MOCOS: variants seen among roughly 807,000 people sequenced by gnomAD.
MOCOS encodes human molybdenum cofactor sulfurase.
Under a neutral mutation model 83.6 loss-of-function variants are expected in MOCOS, and 86 were observed. The ratio of observed to expected loss-of-function variants is 1.03; its 90% CI spans 0.86 to 1.23. The LOEUF is 1.23. Among genes scored for constraint, MOCOS ranks in the 50% most tolerant of loss-of-function variants. MOCOS has a pLI of 0.00. For missense variants in MOCOS, 1,120 were observed against 1,126.9 expected (o/e 0.99, Z 0.09); for synonymous variants, 445 against 434.7 (o/e 1.02, Z -0.29).
intron 4 of MOCOS, among the ~76,000 whole-genome samples, 183 bp downstream of exon 4, chr18:36,200,507 A>ACTTC: frequency 6.6e-6 from 1 of 152,186 alleles, no homozygotes; most frequent in Admixed American, 6.5e-5. Flanking sequence ...GAGGTGACAC[A>ACTTC]GGTGTTCAGT....
At chr18:36,232,685 T>C (rs1284608100) in intron 9 of MOCOS, among the ~76,000 whole-genome samples, 1 of 152,160 alleles carries the variant, frequency 6.6e-6, no homozygotes, top group Non-Finnish European at 1.5e-5. Context: ...ACTATTCTAC[T>C]CTTTACTTCT....
At chr18:36,219,538 G>C (rs1728139082) in intron 8 of MOCOS, among the ~76,000 whole-genome samples, 2 of 152,052 alleles carry the variant, frequency 1.3e-5, no homozygotes, top group Admixed American at 1.3e-4. Context: ...ACTTAGCCGG[G>C]CATGGTGGCA....
intron 9 of MOCOS, among the ~76,000 whole-genome samples, chr18:36,226,409 C>T (rs1848250110): frequency 6.6e-6 from 1 of 151,950 alleles, no homozygotes; most frequent in Non-Finnish European, 1.5e-5. Context: ...CTATGTATAT[C>T]CTTAAACCTA....
At chr18:36,235,670 T>C (rs1446602685) in intron 9 of MOCOS, among the ~76,000 whole-genome samples, 7 of 151,602 alleles carry the variant, frequency 4.6e-5, no homozygotes, top group Non-Finnish European at 7.4e-5. Context: ...CTGGGTCAAA[T>C]GGTATTTCTA....
At chr18:36,198,803 G>A (rs2144899687) in intron 3 of MOCOS, 47 bp downstream of exon 3, 3 of 1,595,142 alleles carry the variant, frequency 1.9e-6, no homozygotes, top group Non-Finnish European at 1.7e-6. Context: ...TAGGCAGACA[G>A]ACTTCCTTCC....
rs761752580 is a variant in MOCOS, at chr18:36,205,140, CCT to C, written c.1088_1089del (p.Leu363ProfsTer16). 8.1e-4 allele frequency: 1,302 copies of C among 1,613,782 alleles called. 1 individual carries two copies. Among genetic ancestry groups the C allele is most frequent in the South Asian group, 1.0e-3 (92 of 91,078 alleles). ...GCTCAGTATACCTACGTGGCCCTGT[CCT>C]CTCTCCAGTACCCCAATGGAGCCCC... On this transcript the variant is annotated frameshift_variant, in exon 6 of 15. Coordinates refer to ENST00000261326, the MANE Select transcript of MOCOS (RefSeq NM_017947.4). LOFTEE classifies it high-confidence loss of function.
chr18:36,230,185 C>T (rs532109265), intron 9 of MOCOS, among the ~76,000 whole-genome samples: 21 of 152,096 alleles, frequency 1.4e-4, no homozygotes, highest in South Asian at 6.2e-4. Flanking sequence ...AGGTTTCAAG[C>T]GATTCTCATG....
chr18:36,248,148 A>G (rs1230725951), intron 9 of MOCOS, among the ~76,000 whole-genome samples: 1 of 152,256 alleles, frequency 6.6e-6, no homozygotes, highest in Non-Finnish European at 1.5e-5. Context: ...AGCCATTCTA[A>G]CTGGGGTAAG....
chr18:36,265,493 T>C (rs962487210), intron 13 of MOCOS, among the ~76,000 whole-genome samples: 2 of 152,216 alleles, frequency 1.3e-5, no homozygotes, highest in African/African-American at 4.8e-5. Flanking sequence ...TAATTTGTAT[T>C]TGCCCGTGAG....
intron 13 of MOCOS, among the ~76,000 whole-genome samples, chr18:36,260,658 C>G (rs2091660767): frequency 6.6e-6 from 1 of 152,088 alleles, no homozygotes; most frequent in African/African-American, 2.4e-5. Flanking sequence ...GCAAAGCCAC[C>G]ACGATGTCCT....
intron 9 of MOCOS, among the ~76,000 whole-genome samples, chr18:36,244,205 G>A (rs946295949): frequency 6.6e-6 from 1 of 151,862 alleles, no homozygotes; most frequent in East Asian, 1.9e-4. Flanking sequence ...TTTTTGAGGT[G>A]TGACCTTAGA....
At chr18:36,256,714 T>C in intron 11 of MOCOS, 1 of 411,172 alleles carries the variant, frequency 2.4e-6, no homozygotes. Flanking sequence ...CCTCCCAAAG[T>C]GCTGAGCCAC....
chr18:36,248,317 A>G (rs2091610010), intron 9 of MOCOS, among the ~76,000 whole-genome samples: 1 of 151,808 alleles, frequency 6.6e-6, no homozygotes, highest in African/African-American at 2.4e-5. Flanking sequence ...TTCACTGTTG[A>G]GTTGTTGATT....
intron 12 of MOCOS, among the ~76,000 whole-genome samples, chr18:36,259,523 T>C (rs976202703): frequency 2.1e-5 from 3 of 146,230 alleles, no homozygotes; most frequent in African/African-American, 7.6e-5. Flanking sequence ...TAGGAAATAC[T>C]ATCTTCTTTA....
intron 9 of MOCOS, among the ~76,000 whole-genome samples, chr18:36,246,270 TATGGGACTC>T (rs2144134514): frequency 6.6e-6 from 1 of 152,342 alleles, no homozygotes; most frequent in African/African-American, 2.4e-5. Flanking sequence ...TGTGGGAAGA[TATGGGACTC>T]AAGGGCTGCT....
intron 13 of MOCOS, among the ~76,000 whole-genome samples, chr18:36,261,860 C>T (rs865827666): frequency 6.6e-6 from 1 of 151,660 alleles, no homozygotes; most frequent in Non-Finnish European, 1.5e-5. Flanking sequence ...CTGCTGGGAA[C>T]AAAATAGACA....
intron 8 of MOCOS, among the ~76,000 whole-genome samples, chr18:36,217,001 T>C (rs1219836786): frequency 6.6e-6 from 1 of 152,320 alleles, no homozygotes; most frequent in African/African-American, 2.4e-5. Context: ...AGCTGGACTC[T>C]ACTTCTCAAA....
At chr18:36,242,890 C>A (rs1200477011) in intron 9 of MOCOS, among the ~76,000 whole-genome samples, 1 of 152,192 alleles carries the variant, frequency 6.6e-6, no homozygotes, top group African/African-American at 2.4e-5. Flanking sequence ...TGGATGGGGA[C>A]ATAGAGCCAA....
chr18:36,205,037 T>C (rs199778386), intron 5 of MOCOS, 40 bp from the exon 6 acceptor site: 1 of 1,098,610 alleles, frequency 9.1e-7, no homozygotes. Context: ...AGAATTTACA[T>C]AAAGCTCATG....
Sources: allele counts gnomAD v4.1 joint callset (sites outside exome capture counted in the v4.1 genomes callset), GRCh38; gene constraint gnomAD v4.1.1; transcripts MANE v1.5; gene names NCBI Gene and HGNC (gene_info 2026-07-23, HGNC 2026-07-21).